Variants in WDR33 observed in about 807,000 individuals in gnomAD.
The protein encoded by WDR33 is WD repeat domain 33.
In WDR33, 47 loss-of-function variants were observed where a neutral mutation model predicts 164.9. The ratio of observed to expected loss-of-function variants is 0.29; its 90% CI spans 0.23 to 0.36. The LOEUF is 0.36. Ranked by LOEUF, WDR33 falls within the 10% of genes least tolerant of loss-of-function variation. WDR33 has a pLI of 1.00. For synonymous variants in WDR33, 505 were observed against 589.0 expected, an observed-to-expected ratio of 0.86 and a Z score of 2.06; for missense variants, 1,137 against 1,754.1, an observed-to-expected ratio of 0.65 and a Z score of 6.28.
At chr2:127,782,490 T>C (rs1344516665) in intron 1 of WDR33, among the ~76,000 whole-genome samples, 1 of 152,148 alleles carries the variant, frequency 6.6e-6, no homozygotes, top group Admixed American at 6.5e-5. Context: ...AGCGTTCAGG[T>C]ACGGCCTTAG....
chr2:127,761,002 C>A (rs368070539), intron 7 of WDR33, among the ~76,000 whole-genome samples: 7 of 152,202 alleles, frequency 4.6e-5, no homozygotes, highest in African/African-American at 1.7e-4. Flanking sequence ...GTTAATATCC[C>A]CTGCACACTC....
Position 127,735,375 on chromosome 2 carries a change from A to G in WDR33, c.725-8598T>C. 1 of 985,768 alleles carries G rather than the reference A, an allele frequency of 1.0e-6. No homozygotes were observed. Among genetic ancestry groups the G allele is most frequent in the Non-Finnish European group, 1.2e-6 (1 of 829,856 alleles). The allele number at this position is 985,768 out of a possible 1,614,324, so 61.1% of individuals were successfully genotyped here. The stretch of plus-strand genomic sequence containing the variant: ...CATAGGATCCCAAAGCTCGGTGAAC[A>G]GTCTGAAAACCAATACATAATAAGT... On this transcript the variant is annotated intron_variant, in intron 7 of 21. Coordinates refer to ENST00000322313, the MANE Select transcript of WDR33 (RefSeq NM_018383.5). The surrounding 1 kb of genome is among the most constrained non-coding windows in gnomAD (Gnocchi z 4.3).
chr2:127,752,748 T>C (rs1687409578), intron 7 of WDR33, among the ~76,000 whole-genome samples: 1 of 151,984 alleles, frequency 6.6e-6, no homozygotes, highest in Non-Finnish European at 1.5e-5. Flanking sequence ...TCTGAAGAAA[T>C]AAGATAACTA....
At chr2:127,744,877 T>A (rs1463902937) in intron 7 of WDR33, among the ~76,000 whole-genome samples, 2 of 152,152 alleles carry the variant, frequency 1.3e-5, no homozygotes, top group Non-Finnish European at 2.9e-5. Context: ...TGTCTCCAAT[T>A]CTTACTTCCA....
In WDR33 at chr2:127,764,261, T is replaced by C. The variant is rs1380043210; in HGVS notation, c.626+567A>G. 2 of 1,203,460 alleles carry C rather than the reference T, an allele frequency of 1.7e-6. No homozygotes were observed. Among genetic ancestry groups the C allele is most frequent in the Non-Finnish European group, 1.0e-6 (1 of 967,602 alleles). 74.5% of individuals were successfully genotyped at this position (1,203,460 alleles called of 1,614,324 possible). On this transcript the variant is annotated intron_variant, in intron 6 of 21. Transcript: ENST00000322313. This position sits in a 1 kb window ranked among gnomAD's most constrained non-coding sequence, Gnocchi z 6.2. ...AAAAGTCCTAGAGTCTTCTTGACAA[T>C]GATCTGCTTACAGCTGCAAAGCTTG...
chr2:127,746,621 T>G (rs1304145969), intron 7 of WDR33, among the ~76,000 whole-genome samples: 1 of 152,212 alleles, frequency 6.6e-6, no homozygotes, highest in Non-Finnish European at 1.5e-5. Flanking sequence ...ACTTGCCCAG[T>G]GGCAAAGCGG....
Position 127,704,408 on chromosome 2 carries a change from A to G in WDR33, c.*1915T>C, listed in dbSNP as rs1336504184. ...CCAAAATAATGAAAATTTTTCCACT[A>G]GAATCTCAGGGAAAAAAAGTCTAAT... On this transcript the variant is annotated 3_prime_UTR_variant, in exon 22 of 22. Transcript: ENST00000322313. 1.2e-5 allele frequency: 2 copies of G among 167,006 alleles called. No homozygotes were observed. The highest frequency in any genetic ancestry group is 1.3e-4 in the Admixed American group (2 of 15,278). 10.3% of individuals were successfully genotyped at this position (167,006 alleles called of 1,614,324 possible). A position where few individuals can be genotyped will look rare whatever the true frequency, so the allele number is the denominator to read the frequency against.
In WDR33 at chr2:127,764,141, C is replaced by A; in HGVS notation, c.626+687G>T. On this transcript the variant is annotated intron_variant, in intron 6 of 21. Transcript: ENST00000322313. This position sits in a 1 kb window ranked among gnomAD's most constrained non-coding sequence, Gnocchi z 6.2. ...CCCCAGTTTTACTATACATACCTCA[C>A]TGATGTGTAAAAATATACAACTCAC... is the stretch of plus-strand genomic sequence containing the variant. 1 of 1,003,792 alleles carries A rather than the reference C, an allele frequency of 1.0e-6. No homozygotes were observed. Among genetic ancestry groups the A allele is most frequent in the Non-Finnish European group, 1.2e-6 (1 of 842,182 alleles). 62.2% of individuals were successfully genotyped at this position (1,003,792 alleles called of 1,614,324 possible).
intron 7 of WDR33, among the ~76,000 whole-genome samples, chr2:127,759,806 C>G (rs1195582034): frequency 6.6e-6 from 1 of 151,960 alleles, no homozygotes; most frequent in Admixed American, 6.6e-5. Context: ...TTTGGGAGGC[C>G]GAGGCAGGAG....
intron 7 of WDR33, among the ~76,000 whole-genome samples, chr2:127,743,398 G>A (rs141559073): frequency 3.3e-4 from 50 of 152,188 alleles, no homozygotes; most frequent in African/African-American, 1.1e-3. Context: ...TCTTGACACT[G>A]TCCAAGCAGA....
At position 127,705,579 on chromosome 2, in the gene WDR33, G is replaced by C. The variant is rs1289979288; in HGVS notation, c.*744C>G. 1.3e-5 allele frequency: 2 copies of C among 152,172 alleles called. No homozygotes were observed. Among genetic ancestry groups the C allele is most frequent in the African/African-American group, 4.8e-5 (2 of 41,444 alleles). 9.4% of individuals were successfully genotyped at this position (152,172 alleles called of 1,614,324 possible). On this transcript the variant is annotated 3_prime_UTR_variant, in exon 22 of 22. Coordinates refer to ENST00000322313, the MANE Select transcript of WDR33 (RefSeq NM_018383.5). This position sits in a 1 kb window ranked among gnomAD's most constrained non-coding sequence, Gnocchi z 4.5. ...TAACAAGGCGATTCAAACCTAAACTGTGATTCTTAGGAGATGCTTCCAAGG... is the reference window on the plus strand; with the variant it reads ...TAACAAGGCGATTCAAACCTAAACTCTGATTCTTAGGAGATGCTTCCAAGG...
At chr2:127,783,465 A>C (rs1688442541) in intron 1 of WDR33, among the ~76,000 whole-genome samples, 1 of 152,262 alleles carries the variant, frequency 6.6e-6, no homozygotes, top group African/African-American at 2.4e-5. Context: ...CACAAAGCAA[A>C]AGGGTTTTCC....
At chr2:127,749,648 T>A (rs1182641801) in intron 7 of WDR33, among the ~76,000 whole-genome samples, 2 of 137,292 alleles carry the variant, frequency 1.5e-5, no homozygotes, top group Non-Finnish European at 1.5e-5. Context: ...GGCAACAGAG[T>A]AGGACTCCAC....
intron 7 of WDR33, among the ~76,000 whole-genome samples, chr2:127,753,486 T>C (rs1687430262): frequency 6.6e-6 from 1 of 152,194 alleles, no homozygotes; most frequent in African/African-American, 2.4e-5. Flanking sequence ...ACTTTGGAAA[T>C]GACATATCAA....
Position 127,712,766 on chromosome 2 carries a change from G to A in WDR33, c.3308+817C>T, listed in dbSNP as rs1422317137. On this transcript the variant is annotated intron_variant, in intron 18 of 21. Transcript: ENST00000322313. This position sits in a 1 kb window ranked among gnomAD's most constrained non-coding sequence, Gnocchi z 4.0. ...TCCTGGTGTTTTTTTGTTTTGTTTT[G>A]TTTTTCTTTTAAGAGACAGGGTCTT... 6.6e-6 allele frequency among the ~76,000 whole-genome samples: 1 copy of A among 151,996 alleles called. No homozygotes were observed. The highest frequency in any genetic ancestry group is 3.4e-3 in the Middle Eastern group (1 of 294).
At chr2:127,782,516 T>A (rs578062548) in intron 1 of WDR33, among the ~76,000 whole-genome samples, 1 of 152,268 alleles carries the variant, frequency 6.6e-6, no homozygotes, top group Non-Finnish European at 1.5e-5. Context: ...TAATTTTTCA[T>A]AACTTGGGGG....
rs1479045583 is a variant in WDR33, at chr2:127,710,152, T to A, written c.3309-296A>T. Among the ~76,000 whole-genome samples the A allele has an allele frequency of 1.3e-5, 2 of 152,208 alleles. No homozygotes were observed. The highest frequency in any genetic ancestry group is 2.9e-5 in the Non-Finnish European group (2 of 68,032). ...ATTCATTTCATTTTCACAGCCACCA[T>A]ATGAAGCTGGTATTATCAGCAGTTC... On this transcript the variant is annotated intron_variant, in intron 18 of 21. Transcript: ENST00000322313. This position sits in a 1 kb window ranked among gnomAD's most constrained non-coding sequence, Gnocchi z 4.4.
chr2:127,788,328 G>A (rs1688686696), intron 1 of WDR33, among the ~76,000 whole-genome samples: 1 of 120,276 alleles, frequency 8.3e-6, no homozygotes, highest in Admixed American at 7.4e-5. Flanking sequence ...GGACGGGGCG[G>A]CTGGCCGGGC....
chr2:127,794,659 C>G (rs1458095591), intron 1 of WDR33, among the ~76,000 whole-genome samples: 3 of 151,346 alleles, frequency 2.0e-5, no homozygotes, highest in Non-Finnish European at 4.4e-5. Context: ...ATGGTGAAAC[C>G]CCTGTCTCTA....
Sources: gnomAD v4.1 joint callset for allele counts (sites outside exome capture counted in the v4.1 genomes callset) on GRCh38, gnomAD v4.1.1 for gene constraint, Gnocchi (gnomAD v3.1) non-coding constraint, MANE v1.5 for transcripts, NCBI Gene and HGNC (gene_info 2026-07-23, HGNC 2026-07-21) for gene names.